The following YTHDC2 variants were observed in gnomAD, a reference collection of about 807,000 sequenced individuals.
YTHDC2 encodes the protein 3'-5' RNA helicase YTHDC2.
In YTHDC2, 45 loss-of-function variants were observed where a neutral mutation model predicts 174.9. The ratio of observed to expected loss-of-function variants is 0.26; its 90% CI spans 0.20 to 0.33. The LOEUF (loss-of-function observed/expected upper bound fraction) is 0.33, where lower values mean the gene tolerates loss of function less well. Ranked by LOEUF, YTHDC2 falls within the 10% of genes least tolerant of loss-of-function variation. YTHDC2 has a pLI of 1.00. For missense variants in YTHDC2, 1,650 were observed against 1,723.7 expected, an observed-to-expected ratio of 0.96 and a Z score of 0.76; for synonymous variants, 657 against 574.5, an observed-to-expected ratio of 1.14 and a Z score of -2.05.
chr5:113,584,459 TCTC>T lies in YTHDC2; in HGVS notation c.3810_3812del (p.Pro1271del). 1.2e-6 allele frequency: 2 copies of T among 1,612,062 alleles called. No individual in the cohort carries two copies. The highest frequency in any genetic ancestry group is 1.7e-6 in the Non-Finnish European group (2 of 1,178,924). On this transcript the variant is annotated inframe_deletion, in exon 26 of 30. Transcript: ENST00000161863. ...TTACCCAAGTCCTTGTGCTAGTCCT[TCTC>T]CTCCATCCTCAGGAAAGGTAAGAGT...
chr5:113,568,569 C>T (rs182149861), intron 23 of YTHDC2, among the ~76,000 whole-genome samples: 42 of 152,250 alleles, frequency 2.8e-4, no homozygotes, highest in Non-Finnish European at 5.4e-4. Flanking sequence ...GTTCCCCTGT[C>T]TGTGTCCATG....
intron 24 of YTHDC2, among the ~76,000 whole-genome samples, chr5:113,580,885 G>A (rs1336128121): frequency 6.6e-6 from 1 of 152,130 alleles, no homozygotes; most frequent in African/African-American, 2.4e-5. Context: ...AGACCCTGCT[G>A]TGTGTGTTTG....
chr5:113,584,682 G>T (rs976568330), intron 26 of YTHDC2, among the ~76,000 whole-genome samples: 4 of 151,818 alleles, frequency 2.6e-5, no homozygotes, highest in African/African-American at 9.7e-5. Flanking sequence ...TTACCATCTT[G>T]GGGTATTTTA....
intron 2 of YTHDC2, among the ~76,000 whole-genome samples, chr5:113,522,806 G>C (rs991006607): frequency 6.6e-6 from 1 of 152,108 alleles, no homozygotes; most frequent in Non-Finnish European, 1.5e-5. Flanking sequence ...CAGTGTCACT[G>C]TGGTGCTGAC....
intron 26 of YTHDC2, among the ~76,000 whole-genome samples, chr5:113,588,565 C>T (rs1395212368): frequency 1.3e-5 from 2 of 151,488 alleles, no homozygotes; most frequent in Non-Finnish European, 2.9e-5. Flanking sequence ...TTATTTCTTC[C>T]TTGAATATTT....
chr5:113,565,795 A>T, intron 20 of YTHDC2, 98 bp from the exon 21 acceptor site: 2 of 1,269,134 alleles, frequency 1.6e-6, no homozygotes, highest in South Asian at 2.0e-5. Flanking sequence ...AGGCAAATTC[A>T]CGTCGAGGAA....
At chr5:113,532,533 A>G (rs992001724) in intron 4 of YTHDC2, among the ~76,000 whole-genome samples, 1 of 152,084 alleles carries the variant, frequency 6.6e-6, no homozygotes, top group Non-Finnish European at 1.5e-5. Flanking sequence ...AGAAGTTAAC[A>G]TTTTTACAGC....
intron 12 of YTHDC2, among the ~76,000 whole-genome samples, chr5:113,550,613 TAAAAC>T (rs1360841424): frequency 6.6e-6 from 1 of 152,110 alleles, no homozygotes; most frequent in African/African-American, 2.4e-5. Flanking sequence ...ACTACGTTGT[TAAAAC>T]AATAAATAGC....
chr5:113,533,350 C>G (rs1455243455), intron 5 of YTHDC2, among the ~76,000 whole-genome samples: 1 of 151,892 alleles, frequency 6.6e-6, no homozygotes, highest in Non-Finnish European at 1.5e-5. Flanking sequence ...CGAGACCAGC[C>G]TGACCAACAT....
Position 113,581,428 on chromosome 5 carries a change from A to G in YTHDC2, c.3366A>G (p.Leu1122=). ...HFTLEPEAAS[L]LLQLRQKWHS... ...TTGAACTATTACAGGCAGCTAGTTT[A>G]TTGCTGCAGCTCAGACAGAAGTGGC... The change falls in exon 25 of 30, where the codon TTA becomes TTG. Residue 1122 remains leucine (L), a synonymous_variant. Transcript: ENST00000161863. The G allele has an allele frequency of 6.2e-7, 1 of 1,603,012 alleles. No individual in the cohort carries two copies. The highest frequency in any genetic ancestry group is 8.5e-7 in the Non-Finnish European group (1 of 1,175,524).
Position 113,532,875 on chromosome 5 carries a change from T to G in YTHDC2, c.676-4T>G, listed in dbSNP as rs1206704812. 3.1e-6 allele frequency: 5 copies of G among 1,598,124 alleles called. No homozygotes were observed. In the Middle Eastern group the frequency reaches 6.7e-4, roughly 214 times the overall value. On this transcript the variant is annotated splice_region_variant and splice_polypyrimidine_tract_variant and intron_variant, in intron 4 of 29. Transcript: ENST00000161863. ...TCTTACAGTTTTTAAAACTTTTGTT[T>G]CAGATTCCTCAGTTCCTTTTAGATG...
At chr5:113,544,784 CT>C (rs1161677132) in intron 10 of YTHDC2, among the ~76,000 whole-genome samples, 1 of 151,768 alleles carries the variant, frequency 6.6e-6, no homozygotes, top group Non-Finnish European at 1.5e-5. Flanking sequence ...GGTCTGCCTT[CT>C]CTGGATATGT....
At chr5:113,551,401 A>G (rs535360274) in intron 12 of YTHDC2, among the ~76,000 whole-genome samples, 1 of 152,146 alleles carries the variant, frequency 6.6e-6, no homozygotes, top group Non-Finnish European at 1.5e-5. Flanking sequence ...GGTATTTAAA[A>G]TTGAATATAT....
In YTHDC2 at chr5:113,539,197, A is replaced by G. The variant is rs1400961161; in HGVS notation, c.1210+16A>G. The G allele has an allele frequency of 1.4e-5, 16 of 1,124,286 alleles. No individual in the cohort carries two copies. Among genetic ancestry groups the G allele is most frequent in the Non-Finnish European group, 2.0e-5 (16 of 810,938 alleles). 69.6% of individuals were successfully genotyped at this position (1,124,286 alleles called of 1,614,324 possible). A position where few individuals can be genotyped will look rare whatever the true frequency, so the allele number is the denominator to read the frequency against. On this transcript the variant is annotated intron_variant, in intron 8 of 29. Coordinates refer to ENST00000161863, the MANE Select transcript of YTHDC2 (RefSeq NM_022828.5). Reference sequence around the variant, plus strand: ...AAACAGCAAGGTAAATTTTTTAATAAAAGAAATATAAAAGAAATTACTATT... The same window carrying G: ...AAACAGCAAGGTAAATTTTTTAATAGAAGAAATATAAAAGAAATTACTATT...
intron 4 of YTHDC2, among the ~76,000 whole-genome samples, chr5:113,532,030 G>C (rs957877851): frequency 1.2e-4 from 19 of 152,272 alleles, no homozygotes; most frequent in African/African-American, 4.6e-4. Context: ...GTTTACTGCA[G>C]TGTTGTTTAT....
At chr5:113,567,562 A>G in intron 22 of YTHDC2, 92 bp from the exon 23 acceptor site, 6 of 1,144,886 alleles carry the variant, frequency 5.2e-6, no homozygotes, top group Non-Finnish European at 7.3e-6. Context: ...TACATCATCT[A>G]TTTCATTGAG....
intron 23 of YTHDC2, among the ~76,000 whole-genome samples, chr5:113,576,949 A>G (rs1274696355): frequency 1.3e-5 from 2 of 152,110 alleles, no homozygotes; most frequent in Non-Finnish European, 2.9e-5. Flanking sequence ...TGTGATAAGT[A>G]TTGTTTTTGT....
chr5:113,568,071 T>A (rs968643751), intron 23 of YTHDC2, among the ~76,000 whole-genome samples: 26 of 152,150 alleles, frequency 1.7e-4, no homozygotes, highest in Admixed American at 1.3e-4. Context: ...TTTTTATTAA[T>A]CTTGCTGTTG....
chr5:113,591,270 G>A (rs767955005), intron 27 of YTHDC2, 26 bp downstream of exon 27: 72 of 1,611,038 alleles, frequency 4.5e-5, no homozygotes, highest in Non-Finnish European at 5.9e-5. Context: ...TCAGTAAAAT[G>A]GGGTTGTTCT....
Sources: allele counts gnomAD v4.1 joint callset (sites outside exome capture counted in the v4.1 genomes callset), GRCh38; gene constraint gnomAD v4.1.1; transcripts MANE v1.5; gene names NCBI Gene and HGNC (gene_info 2026-07-23, HGNC 2026-07-21).